ATP9A: variants seen among roughly 807,000 people sequenced by gnomAD.
ATP9A encodes ATPase phospholipid transporting 9A.
ATP9A carries 52 observed loss-of-function variants against 144.1 expected under a neutral mutation model. That is an observed-to-expected ratio of 0.36 (90% CI 0.29 to 0.45). The LOEUF (loss-of-function observed/expected upper bound fraction) is 0.45. Ranked by LOEUF, ATP9A falls within the 20% of genes least tolerant of loss-of-function variation. The pLI, the probability that ATP9A is intolerant of heterozygous loss-of-function variation, is 1.00. For missense variants in ATP9A, 947 were observed against 1,392.7 expected, an observed-to-expected ratio of 0.68 and a Z score of 5.09; for synonymous variants, 582 against 557.4, an observed-to-expected ratio of 1.04 and a Z score of -0.62.
chr20:51,604,950 G>A lies in ATP9A; in HGVS notation c.2874C>T (p.Phe958=), dbSNP rs1433147969. ...SEFVHIVAIS[F]TSLILTELLM... is the part of the protein sequence containing the mutation. The stretch of plus-strand genomic sequence containing the variant: ...GCAGCTCGGTGAGGATCAGCGAGGT[G>A]AAGGAGATGGCCACGATGTGCACGA... Residue 958 remains phenylalanine (F), a synonymous_variant, in exon 27 of 28, where the codon TTC becomes TTT. Transcript: ENST00000338821. 1.2e-6 allele frequency: 2 copies of A among 1,613,506 alleles called. No individual in the cohort carries two copies. The highest frequency in any genetic ancestry group is 3.3e-5 in the Admixed American group (2 of 59,978).
intron 13 of ATP9A, among the ~76,000 whole-genome samples, chr20:51,668,407 C>T (rs754121585): frequency 2.0e-5 from 3 of 151,876 alleles, no homozygotes; most frequent in Non-Finnish European, 4.4e-5. Context: ...GCCAAACATT[C>T]GGCTACGTTA....
intron 7 of ATP9A, among the ~76,000 whole-genome samples, chr20:51,693,750 T>G (rs1242848785): frequency 6.6e-6 from 1 of 152,100 alleles, no homozygotes. Context: ...TGGCTTACCT[T>G]TTCAATTTTG....
chr20:51,633,589 T>C lies in ATP9A; in HGVS notation c.1669-4517A>G, dbSNP rs114403614. Among the ~76,000 whole-genome samples the C allele has an allele frequency of 4.4e-3, 662 of 152,036 alleles. 6 individuals carry two copies. The highest frequency in any genetic ancestry group is 0.015 in the African/African-American group (610 of 41,496). On this transcript the variant is annotated intron_variant, in intron 15 of 27. Coordinates refer to ENST00000338821, the MANE Select transcript of ATP9A (RefSeq NM_006045.3). ...AGAGAGACTTTGGCTCTACAAAAAATTTAAAACTTAGCTGGGTGTGGCAGT... is the reference window on the plus strand; with the variant it reads ...AGAGAGACTTTGGCTCTACAAAAAACTTAAAACTTAGCTGGGTGTGGCAGT...
At chr20:51,756,126 A>G (rs1030934037) in intron 1 of ATP9A, among the ~76,000 whole-genome samples, 1 of 152,190 alleles carries the variant, frequency 6.6e-6, no homozygotes, top group African/African-American at 2.4e-5. Flanking sequence ...TGGCTTAAAC[A>G]ACAGAAACTT....
chr20:51,755,049 C>T (rs904797216), intron 1 of ATP9A, among the ~76,000 whole-genome samples: 1 of 152,114 alleles, frequency 6.6e-6, no homozygotes, highest in Non-Finnish European at 1.5e-5. Flanking sequence ...ACCCAGGAGC[C>T]GGAGGCTGCA....
intron 1 of ATP9A, among the ~76,000 whole-genome samples, chr20:51,747,155 G>A (rs1335137260): frequency 3.3e-5 from 5 of 150,274 alleles, no homozygotes; most frequent in African/African-American, 9.9e-5. Flanking sequence ...AGTCAGGAAG[G>A]ATGCAAAGAA....
At chr20:51,659,113 T>C (rs2077401056) in intron 13 of ATP9A, among the ~76,000 whole-genome samples, 1 of 152,186 alleles carries the variant, frequency 6.6e-6, no homozygotes, top group Non-Finnish European at 1.5e-5. Context: ...CCCAGCTCAC[T>C]GCAGGGCTGG....
At chr20:51,707,157 T>C (rs529111761) in intron 4 of ATP9A, among the ~76,000 whole-genome samples, 1 of 152,342 alleles carries the variant, frequency 6.6e-6, no homozygotes, top group African/African-American at 2.4e-5. Flanking sequence ...GAGTTCCATG[T>C]TCAGGTGGGT....
rs559765072 is a variant in ATP9A at position 51,635,205 on chromosome 20, G to A, written c.1668+4138C>T. 1.1e-4 allele frequency among the ~76,000 whole-genome samples: 17 copies of A among 152,312 alleles called. No individual in the cohort carries two copies. In the East Asian group the frequency reaches 2.3e-3, roughly 21 times the overall value. On this transcript the variant is annotated intron_variant, in intron 15 of 27. Transcript: ENST00000338821. The stretch of plus-strand genomic sequence containing the variant: ...GGGAGCTGACTACAGGGAGGCCCTC[G>A]TGGGAAGGCACTGAGGGTGGCCTCT...
At chr20:51,605,346 C>T (rs1229951033) in intron 26 of ATP9A, among the ~76,000 whole-genome samples, 1 of 152,142 alleles carries the variant, frequency 6.6e-6, no homozygotes, top group Non-Finnish European at 1.5e-5. Context: ...CGGCCAGGCG[C>T]GGGGGCTCAG....
intron 3 of ATP9A, among the ~76,000 whole-genome samples, chr20:51,725,388 C>G (rs1568837273): frequency 6.6e-6 from 1 of 152,124 alleles, no homozygotes; most frequent in Non-Finnish European, 1.5e-5. Flanking sequence ...TCCCAAAGTG[C>G]TAGGACTACA....
intron 15 of ATP9A, among the ~76,000 whole-genome samples, chr20:51,635,814 AAGGAAGGAAGGG>A (rs2077288990): frequency 1.4e-5 from 1 of 73,982 alleles, no homozygotes; most frequent in Non-Finnish European, 3.2e-5. Context: ...GGAAGGAAGG[AAGGAAGGAAGGG>A]AGGGAGGGAG....
At chr20:51,673,728 T>C (rs1296745688) in intron 11 of ATP9A, among the ~76,000 whole-genome samples, 1 of 152,108 alleles carries the variant, frequency 6.6e-6, no homozygotes, top group African/African-American at 2.4e-5. Flanking sequence ...TGATTGCTCT[T>C]GGTCCTCACT....
intron 3 of ATP9A, among the ~76,000 whole-genome samples, chr20:51,718,914 G>A (rs1445345566): frequency 1.3e-5 from 2 of 150,722 alleles, no homozygotes; most frequent in Non-Finnish European, 1.5e-5. Flanking sequence ...TGGATCACGA[G>A]GTCAGGAGTT....
At chr20:51,764,564 G>GT (rs1482338043) in intron 1 of ATP9A, among the ~76,000 whole-genome samples, 4 of 152,062 alleles carry the variant, frequency 2.6e-5, no homozygotes, top group African/African-American at 4.8e-5. Flanking sequence ...ATCGTTTTTG[G>GT]TTTTTTTAAC....
chr20:51,748,371 A>G (rs536306100), intron 1 of ATP9A, among the ~76,000 whole-genome samples: 203 of 152,308 alleles, frequency 1.3e-3, no homozygotes, highest in Non-Finnish European at 2.4e-3. Context: ...GAGAAAAAAC[A>G]ATGAATGAAA....
chr20:51,684,692 T>A (rs575319487), intron 9 of ATP9A, among the ~76,000 whole-genome samples: 54 of 66,640 alleles, frequency 8.1e-4, no homozygotes, highest in African/African-American at 2.9e-3. Context: ...TGAGACTCTG[T>A]CTCAAAAAAA....
At chr20:51,675,805 G>A (rs1052147242) in intron 10 of ATP9A, among the ~76,000 whole-genome samples, 8 of 151,528 alleles carry the variant, frequency 5.3e-5, no homozygotes, top group South Asian at 2.1e-4. Flanking sequence ...GCTTGAGCCC[G>A]GGAGGCAGAG....
intron 1 of ATP9A, among the ~76,000 whole-genome samples, chr20:51,765,884 G>A (rs924591413): frequency 6.6e-6 from 1 of 152,026 alleles, no homozygotes; most frequent in Non-Finnish European, 1.5e-5. Flanking sequence ...TTGAACCCAG[G>A]AGGCAGAGGT....
Sources: gnomAD v4.1 joint callset for allele counts (sites outside exome capture counted in the v4.1 genomes callset) on GRCh38, gnomAD v4.1.1 for gene constraint, MANE v1.5 for transcripts, NCBI Gene and HGNC (gene_info 2026-07-23, HGNC 2026-07-21) for gene names.